Variants in SMG1 observed in about 807,000 individuals in gnomAD.
SMG1 encodes the protein SMG1 nonsense mediated mRNA decay associated PI3K related kinase.
Under a neutral mutation model 419.9 loss-of-function variants are expected in SMG1, and 22 were observed. The ratio of observed to expected loss-of-function variants is 0.05; its 90% CI spans 0.04 to 0.07. The LOEUF (loss-of-function observed/expected upper bound fraction) is 0.07. SMG1 is among the 10% of genes least tolerant of loss of function. The pLI is 1.00. For synonymous variants in SMG1, 1,538 were observed against 1,553.5 expected, an observed-to-expected ratio of 0.99 and a Z score of 0.23; for missense variants, 3,185 against 4,342.0, an observed-to-expected ratio of 0.73 and a Z score of 7.49.
chr16:18,877,937 T>C (rs143692549), intron 11 of SMG1: 2 of 152,162 alleles, frequency 1.3e-5, no homozygotes, highest in East Asian at 1.9e-4. Flanking sequence ...AATACTCCAG[T>C]TGGAGATGAA....
intron 57 of SMG1, 78 bp downstream of exon 57, chr16:18,817,213 C>G: frequency 8.7e-7 from 1 of 1,150,628 alleles, no homozygotes; most frequent in Non-Finnish European, 1.2e-6. Flanking sequence ...CGAATGTAAT[C>G]GGAATGTATA....
At chr16:18,915,263 G>A (rs1203509618) in intron 1 of SMG1, among the ~76,000 whole-genome samples, 1 of 152,004 alleles carries the variant, frequency 6.6e-6, no homozygotes, top group Non-Finnish European at 1.5e-5. Flanking sequence ...GTGAGCCACT[G>A]CACGTGGCCA....
intron 6 of SMG1, among the ~76,000 whole-genome samples, chr16:18,887,886 C>T (rs1596601168): frequency 6.7e-6 from 1 of 149,212 alleles, no homozygotes; most frequent in South Asian, 2.1e-4. Context: ...ATCTTTTAGG[C>T]CAGGTGTGGT....
chr16:18,847,370 T>C, intron 38 of SMG1, 83 bp downstream of exon 38: 1 of 1,474,682 alleles, frequency 6.8e-7, no homozygotes, highest in East Asian at 2.3e-5. Flanking sequence ...CACTTAAAAA[T>C]TAAAATAGTA....
At chr16:18,923,384 C>T (rs1032705478) in intron 1 of SMG1, among the ~76,000 whole-genome samples, 2 of 152,164 alleles carry the variant, frequency 1.3e-5, no homozygotes, top group Non-Finnish European at 2.9e-5. Context: ...GTGACTTACA[C>T]CTGTAATCCC....
At chr16:18,883,150 G>C (rs1241484164) in intron 9 of SMG1, among the ~76,000 whole-genome samples, 1 of 152,162 alleles carries the variant, frequency 6.6e-6, no homozygotes, top group African/African-American at 2.4e-5. Flanking sequence ...AACAAAATGA[G>C]GCTAAAATCT....
At position 18,882,569 on chromosome 16, in the gene SMG1, T is replaced by C. The variant is rs531365460; in HGVS notation, c.1120-231A>G. Among the ~76,000 whole-genome samples the C allele has an allele frequency of 2.6e-5, 4 of 152,254 alleles. No individual in the cohort carries two copies. The East Asian group carries it at 7.7e-4, about 29-fold the overall frequency. ...CAGACAACAAATTAAAGAAATAATCTCTTAAATCAACTCAGAAAGCTGTTA... is the reference window on the plus strand; with the variant it reads ...CAGACAACAAATTAAAGAAATAATCCCTTAAATCAACTCAGAAAGCTGTTA... On this transcript the variant is annotated intron_variant, in intron 9 of 62. Coordinates refer to ENST00000446231, the MANE Select transcript of SMG1 (RefSeq NM_015092.5).
At chr16:18,820,538 T>A (rs778498277) in intron 55 of SMG1, among the ~76,000 whole-genome samples, 5 of 152,192 alleles carry the variant, frequency 3.3e-5, no homozygotes, top group Non-Finnish European at 7.3e-5. Flanking sequence ...CCATCCAGAT[T>A]ATCATGACGA....
intron 1 of SMG1, among the ~76,000 whole-genome samples, chr16:18,914,916 A>C (rs930836669): frequency 6.6e-6 from 1 of 152,026 alleles, no homozygotes; most frequent in African/African-American, 2.4e-5. Context: ...AAGATGGATA[A>C]AACATATGAA....
intron 4 of SMG1, 89 bp downstream of exon 4, chr16:18,892,129 T>C: frequency 1.1e-6 from 1 of 884,648 alleles, no homozygotes; most frequent in South Asian, 1.4e-5. Flanking sequence ...AATACAGACT[T>C]TCCCCATTCT....
chr16:18,861,656 G>A (rs1433689330), intron 25 of SMG1, among the ~76,000 whole-genome samples: 1 of 152,138 alleles, frequency 6.6e-6, no homozygotes, highest in Non-Finnish European at 1.5e-5. Context: ...GGGCACTGAT[G>A]AACTGCTGCC....
chr16:18,848,597 C>A (rs1041303896), intron 36 of SMG1, among the ~76,000 whole-genome samples: 1 of 151,972 alleles, frequency 6.6e-6, no homozygotes, highest in Non-Finnish European at 1.5e-5. Context: ...CGAGTCACTG[C>A]TCCTGGCCAA....
rs969306661 is a variant in SMG1, at chr16:18,852,591, A to G, written c.4769-129T>C. On this transcript the variant is annotated intron_variant, in intron 31 of 62. Coordinates refer to ENST00000446231, the MANE Select transcript of SMG1 (RefSeq NM_015092.5). Reference sequence around the variant, plus strand: ...AAGCAATCAAAAGTTCCAAAATATTACTGTACATAACTTGAGAAGGCACAA... The same window carrying G: ...AAGCAATCAAAAGTTCCAAAATATTGCTGTACATAACTTGAGAAGGCACAA... The G allele has an allele frequency of 8.4e-6, 6 of 716,230 alleles. No individual in the cohort carries two copies. In the African/African-American group the frequency reaches 1.1e-4, roughly 13 times the overall value. 44.4% of individuals were successfully genotyped at this position (716,230 alleles called of 1,614,324 possible).
chr16:18,816,047 G>A (rs1480849552), intron 58 of SMG1: 3 of 505,950 alleles, frequency 5.9e-6, no homozygotes, highest in Non-Finnish European at 1.1e-5. Context: ...TCATATCTTG[G>A]TTTTATTACA....
At chr16:18,891,591 C>T (rs564359961) in intron 4 of SMG1, among the ~76,000 whole-genome samples, 5 of 152,246 alleles carry the variant, frequency 3.3e-5, no homozygotes, top group South Asian at 4.1e-4. Context: ...TGTGCCACCA[C>T]GCCCAGCTAA....
At chr16:18,810,069 G>A (rs1216984139) in intron 62 of SMG1, among the ~76,000 whole-genome samples, 6 of 151,826 alleles carry the variant, frequency 4.0e-5, no homozygotes, top group African/African-American at 1.5e-4. Context: ...AAAATTCCTT[G>A]CTGATGTTAA....
chr16:18,831,801 G>A (rs1291970968), intron 51 of SMG1, among the ~76,000 whole-genome samples: 14 of 134,046 alleles, frequency 1.0e-4, no homozygotes, highest in Admixed American at 3.7e-4. Context: ...ACACACACAC[G>A]TACATATTTA....
chr16:18,890,723 G>A (rs1263853591), intron 5 of SMG1, 140 bp downstream of exon 5: 5 of 620,614 alleles, frequency 8.1e-6, no homozygotes, highest in Middle Eastern at 8.9e-4. Flanking sequence ...AATTAATGCA[G>A]ATAAAAATGA....
chr16:18,888,236 T>G (rs2036724027), intron 6 of SMG1, among the ~76,000 whole-genome samples: 1 of 149,016 alleles, frequency 6.7e-6, no homozygotes, highest in East Asian at 2.0e-4. Flanking sequence ...TAAAACTAAG[T>G]AGAGCTGGTA....
Sources: gnomAD v4.1 joint callset for allele counts (sites outside exome capture counted in the v4.1 genomes callset) on GRCh38, gnomAD v4.1.1 for gene constraint, MANE v1.5 for transcripts, NCBI Gene and HGNC (gene_info 2026-07-23, HGNC 2026-07-21) for gene names.